ARHGEF10L: variants seen among roughly 807,000 people sequenced by gnomAD.
ARHGEF10L encodes rho guanine nucleotide exchange factor 10-like protein.
Under a neutral mutation model 141.2 loss-of-function variants are expected in ARHGEF10L, and 69 were observed. That is an observed-to-expected ratio of 0.49 (90% CI 0.40 to 0.60). The LOEUF is 0.60. ARHGEF10L is among the 20% of genes least tolerant of loss of function. The pLI is 0.00. For synonymous variants in ARHGEF10L, 711 were observed against 718.5 expected (o/e 0.99, Z 0.17); for missense variants, 1,482 against 1,734.3 (o/e 0.85, Z 2.58).
At chr1:17,574,188 G>A (rs1177921528) in intron 1 of ARHGEF10L, among the ~76,000 whole-genome samples, 1 of 151,962 alleles carries the variant, frequency 6.6e-6, no homozygotes, top group East Asian at 1.9e-4. Flanking sequence ...CTGCCCTCTT[G>A]CTCCCAGGGG....
Position 17,607,681 on chromosome 1 carries a change from GCCC to G in ARHGEF10L, c.434-118_434-116del. ...GAGGAGGTAGAGCTGGAGCCCCAGG[GCCC>G]CCATGTTCTCCCTGACCCCCCCTCG... is the stretch of plus-strand genomic sequence containing the variant. On this transcript the variant is annotated intron_variant, in intron 6 of 28. Transcript: ENST00000361221. The surrounding 1 kb of genome is among the most constrained non-coding windows in gnomAD (Gnocchi z 4.5). 1.0e-6 allele frequency: 1 copy of G among 978,772 alleles called. No individual in the cohort carries two copies. The highest frequency in any genetic ancestry group is 1.4e-6 in the Non-Finnish European group (1 of 714,146). 60.6% of individuals were successfully genotyped at this position (978,772 alleles called of 1,614,324 possible).
At chr1:17,533,789 G>A in the ARHGEF10L span, among the ~76,000 whole-genome samples, 1 of 152,116 alleles carries the variant, frequency 6.6e-6, no homozygotes, top group African/African-American at 2.4e-5. Flanking sequence ...ATCCTTATTT[G>A]TAGCAAAACG....
Position 17,573,157 on chromosome 1 carries a change from A to C in ARHGEF10L, c.-43-7396A>C, listed in dbSNP as rs1158429768. Among the ~76,000 whole-genome samples, 2 of 152,082 alleles carry C rather than the reference A, an allele frequency of 1.3e-5. No homozygotes were observed. The highest frequency in any genetic ancestry group is 3.9e-4 in the East Asian group (2 of 5,174). On this transcript the variant is annotated intron_variant, in intron 1 of 28. Coordinates refer to ENST00000361221, the MANE Select transcript of ARHGEF10L (RefSeq NM_018125.4). The surrounding 1 kb of genome is among the most constrained non-coding windows in gnomAD (Gnocchi z 4.8). ...GGGGGCTTTGGGTAGGTCCCTTCCCATCTGAGCCTCAGCTTCCCTGTGTCT... is the reference window on the plus strand; with the variant it reads ...GGGGGCTTTGGGTAGGTCCCTTCCCCTCTGAGCCTCAGCTTCCCTGTGTCT...
chr1:17,696,949 G>A lies in ARHGEF10L; in HGVS notation c.3409G>A (p.Glu1137Lys), dbSNP rs142160248. ...APDILRSDQE[E>K]AEGPRAEEDK... ...TGACATCCTGCGGAGTGACCAGGAG[G>A]AGGCTGAGGGGCCCCGGGCTGAGGA... The change falls in exon 29 of 29, where the codon GAG (glutamate) becomes AAG (lysine). Residue 1137 changes from glutamate to lysine, a missense_variant. By Grantham distance (56) the Glu-to-Lys change is moderately conservative. This residue lies in a region of ARHGEF10L where 858 missense variants were observed against 966.3 expected (regional missense o/e 0.89). Transcript: ENST00000361221. 4.0e-5 allele frequency: 64 copies of A among 1,612,704 alleles called. 1 individual carries two copies. The highest frequency in any genetic ancestry group is 4.5e-5 in the Non-Finnish European group (53 of 1,179,900).
chr1:17,594,814 G>T (rs140967430), intron 4 of ARHGEF10L, among the ~76,000 whole-genome samples: 29 of 152,264 alleles, frequency 1.9e-4, no homozygotes, highest in Non-Finnish European at 3.8e-4. Flanking sequence ...GTAAAGCAGG[G>T]TGATGAGACT....
At chr1:17,689,914 C>G (rs1293091307) in intron 27 of ARHGEF10L, 1 of 450,714 alleles carries the variant, frequency 2.2e-6, no homozygotes, top group Non-Finnish European at 4.4e-6. Context: ...GCCACTCCTG[C>G]CTGTACAACC....
At chr1:17,674,693 A>C (rs1296423271) in intron 26 of ARHGEF10L, among the ~76,000 whole-genome samples, 1 of 152,196 alleles carries the variant, frequency 6.6e-6, no homozygotes, top group Non-Finnish European at 1.5e-5. Context: ...CTGCATAGTG[A>C]CTTTCAGTCA....
intron 1 of ARHGEF10L, among the ~76,000 whole-genome samples, chr1:17,540,906 CA>C: frequency 6.6e-6 from 1 of 152,302 alleles, no homozygotes; most frequent in South Asian, 2.1e-4. Flanking sequence ...CATTAGAATG[CA>C]TAGCTCTTCC....
In ARHGEF10L at chr1:17,695,118, C is replaced by A. The variant is rs773709950; in HGVS notation, c.3185-40C>A. 3 of 1,610,348 alleles carry A rather than the reference C, an allele frequency of 1.9e-6. No individual in the cohort carries two copies. In the East Asian group the frequency reaches 6.7e-5, roughly 36 times the overall value. The stretch of plus-strand genomic sequence containing the variant: ...GTGGTACCCAGAGCCCATGCTGTCT[C>A]CCCAGGAGGGCACTGCTCAGCCGCC... On this transcript the variant is annotated intron_variant, in intron 27 of 28. Coordinates refer to ENST00000361221, the MANE Select transcript of ARHGEF10L (RefSeq NM_018125.4).
chr1:17,696,212 C>CAAAAA (rs33980606), intron 28 of ARHGEF10L, among the ~76,000 whole-genome samples: 2 of 127,140 alleles, frequency 1.6e-5, no homozygotes, highest in African/African-American at 3.0e-5. Context: ...GACACCATCT[C>CAAAAA]AAAAAAAAAA....
rs2081332285 is a variant in ARHGEF10L at position 17,607,986 on chromosome 1, AC to A, written c.609+11del. On this transcript the variant is annotated intron_variant, in intron 7 of 28. Transcript: ENST00000361221. The surrounding 1 kb of genome is among the most constrained non-coding windows in gnomAD (Gnocchi z 4.5). ...TGTCCTTCCAGCCCAAGGTGAGGGG[AC>A]CGGGGGTGTCGCTCACCTCAGTCAG... is the stretch of plus-strand genomic sequence containing the variant. The A allele has an allele frequency of 1.7e-6, 2 of 1,181,754 alleles. No individual in the cohort carries two copies. Among genetic ancestry groups the A allele is most frequent in the South Asian group, 3.2e-5 (2 of 62,210 alleles). The allele number at this position is 1,181,754 out of a possible 1,614,324, so 73.2% of individuals were successfully genotyped here.
chr1:17,590,244 G>A (rs2079413912), intron 4 of ARHGEF10L, among the ~76,000 whole-genome samples: 1 of 152,124 alleles, frequency 6.6e-6, no homozygotes, highest in Non-Finnish European at 1.5e-5. Flanking sequence ...GGCTTCATAG[G>A]AATGATCTGA....
chr1:17,514,925 G>A, the ARHGEF10L span, among the ~76,000 whole-genome samples: 10 of 152,230 alleles, frequency 6.6e-5, no homozygotes, highest in East Asian at 1.5e-3. Context: ...AGCCCACCTC[G>A]GCCCGGCACC....
At chr1:17,572,898 A>C (rs565183025) in intron 1 of ARHGEF10L, among the ~76,000 whole-genome samples, 2 of 152,034 alleles carry the variant, frequency 1.3e-5, no homozygotes, top group Non-Finnish European at 2.9e-5. Context: ...GGCCCCCTGG[A>C]GGCTTTAGTT....
At chr1:17,565,667 T>TA (rs2077722259) in intron 1 of ARHGEF10L, among the ~76,000 whole-genome samples, 1 of 152,126 alleles carries the variant, frequency 6.6e-6, no homozygotes, top group African/African-American at 2.4e-5. Flanking sequence ...TGAATATGCA[T>TA]AGAGGGTTGA....
At chr1:17,642,193 A>C (rs1054178538) in intron 21 of ARHGEF10L, among the ~76,000 whole-genome samples, 2 of 152,034 alleles carry the variant, frequency 1.3e-5, no homozygotes, top group Admixed American at 6.6e-5. Context: ...AGCAGGTGTT[A>C]TGCTGTACAG....
At chr1:17,664,621 G>T (rs1317077365) in intron 26 of ARHGEF10L, 26 bp downstream of exon 26, 5 of 1,496,912 alleles carry the variant, frequency 3.3e-6, no homozygotes, top group Admixed American at 4.4e-5. Flanking sequence ...TTGGCTTGTG[G>T]CCCTGGAGGC....
At chr1:17,561,255 C>A (rs1376204103) in intron 1 of ARHGEF10L, among the ~76,000 whole-genome samples, 1 of 152,186 alleles carries the variant, frequency 6.6e-6, no homozygotes, top group Non-Finnish European at 1.5e-5. Flanking sequence ...GGGCTGCTTC[C>A]CCTGCCCTGC....
At chr1:17,611,877 T>A (rs1484205943) in intron 7 of ARHGEF10L, among the ~76,000 whole-genome samples, 3 of 152,168 alleles carry the variant, frequency 2.0e-5, no homozygotes, top group Non-Finnish European at 4.4e-5. Flanking sequence ...CCTGTCTTGG[T>A]CTTTTGTGTA....
Sources: gnomAD v4.1 joint callset for allele counts (sites outside exome capture counted in the v4.1 genomes callset) on GRCh38, gnomAD v4.1.1 for gene constraint, gnomAD v4.1.1 regional missense constraint, Gnocchi (gnomAD v3.1) non-coding constraint, MANE v1.5 for transcripts, NCBI Gene and HGNC (gene_info 2026-07-23, HGNC 2026-07-21) for gene names.